Variants in MANBA observed in about 807,000 individuals in gnomAD.
MANBA encodes the protein mannosidase beta.
A neutral mutation model predicts 111.1 loss-of-function variants in MANBA; 83 were observed. That is an observed-to-expected ratio of 0.75 (90% CI 0.63 to 0.90). The LOEUF (loss-of-function observed/expected upper bound fraction) is 0.90, where lower values mean the gene tolerates loss of function less well. Ranked by LOEUF, MANBA falls within the 40% of genes least tolerant of loss-of-function variation. The pLI, the probability that MANBA is intolerant of heterozygous loss-of-function variation, is 0.00. For synonymous variants in MANBA, 370 were observed against 378.7 expected (o/e 0.98, Z 0.27); for missense variants, 1,036 against 1,069.0 (o/e 0.97, Z 0.43).
intron 1 of MANBA, chr4:102,751,386 T>G (rs1186331000): frequency 2.4e-6 from 1 of 418,580 alleles, no homozygotes; most frequent in Non-Finnish European, 4.8e-6. Context: ...AAAAGTCTTG[T>G]GTGTACTCCT....
chr4:102,757,324 C>T (rs184831956), intron 1 of MANBA, among the ~76,000 whole-genome samples: 66 of 149,502 alleles, frequency 4.4e-4, no homozygotes, highest in Admixed American at 6.6e-4. Flanking sequence ...AGCGAAACTC[C>T]GTCTCAAAAA....
At chr4:102,713,615 C>A (rs927863487) in intron 5 of MANBA, among the ~76,000 whole-genome samples, 4 of 152,132 alleles carry the variant, frequency 2.6e-5, no homozygotes, top group Admixed American at 2.6e-4. Flanking sequence ...AGAAATATTT[C>A]TTTTGGCCAG....
rs1022995879 is a variant in MANBA, at chr4:102,631,554, C to G, written c.*503G>C. ...AATTTCACATGTACAGAAAAATACC[C>G]ATATACCTTTACCCAAATAGCTACC... On this transcript the variant is annotated 3_prime_UTR_variant, in exon 17 of 17. Transcript: ENST00000647097. The G allele has an allele frequency of 3.5e-5, 14 of 403,732 alleles. No homozygotes were observed. The South Asian group carries it at 1.6e-3, about 45-fold the overall frequency. 25.0% of individuals were successfully genotyped at this position (403,732 alleles called of 1,614,324 possible).
intron 1 of MANBA, among the ~76,000 whole-genome samples, chr4:102,733,283 C>G (rs1723094751): frequency 1.3e-5 from 2 of 151,910 alleles, no homozygotes; most frequent in Admixed American, 6.6e-5. Flanking sequence ...GGTAGATCCA[C>G]AAACAGGGCA....
intron 1 of MANBA, among the ~76,000 whole-genome samples, chr4:102,732,819 T>C (rs223497): frequency 0.58 from 88,364 of 152,030 alleles, 27,312 homozygotes; most frequent in African/African-American, 0.81. Context: ...GACCATGTCA[T>C]TCCCCCAAGA....
intron 4 of MANBA, among the ~76,000 whole-genome samples, chr4:102,717,780 C>A (rs1193970677): frequency 6.6e-6 from 1 of 152,106 alleles, no homozygotes; most frequent in Admixed American, 6.6e-5. Context: ...GAAGAGAGAA[C>A]AATGGGAAGA....
At position 102,714,464 on chromosome 4, in the gene MANBA, T is replaced by C; in HGVS notation, c.647A>G (p.Asn216Ser). The C allele has an allele frequency of 1.2e-6, 2 of 1,607,658 alleles. No homozygotes were observed. Among genetic ancestry groups the C allele is most frequent in the Non-Finnish European group, 1.7e-6 (2 of 1,174,204 alleles). Reference sequence around the variant, plus strand: ...ATATATTGGGGAAAATGTGAAGTAGTTCAGGTGACAAATATTATAGGCTTC... The same window carrying C: ...ATATATTGGGGAAAATGTGAAGTAGCTCAGGTGACAAATATTATAGGCTTC... The part of the protein sequence containing the change: ...RIEAYNICHL[N>S]YFTFSPIYDK... Residue 216 changes from asparagine (N) to serine (S), a missense_variant, in exon 5 of 17, where the codon AAC becomes AGC. Physicochemically the swap from Asn to Ser is conservative, Grantham distance 46 (BLOSUM62 1). Coordinates refer to ENST00000647097, the MANE Select transcript of MANBA (RefSeq NM_005908.4).
At chr4:102,729,205 C>A (rs1722929759) in intron 1 of MANBA, 3 of 728,368 alleles carry the variant, frequency 4.1e-6, no homozygotes, top group South Asian at 4.1e-5. Flanking sequence ...GCCTTTGAGG[C>A]CCTCAGTCTC....
chr4:102,746,009 CT>C (rs1723573148), intron 1 of MANBA, among the ~76,000 whole-genome samples: 1 of 152,186 alleles, frequency 6.6e-6, no homozygotes, highest in South Asian at 2.1e-4. Context: ...TGCCTGGCAA[CT>C]GCCTCAGAGG....
In MANBA at chr4:102,687,182, A is replaced by T. The variant is rs185835600; in HGVS notation, c.960+2392T>A. Among the ~76,000 whole-genome samples the T allele has an allele frequency of 2.6e-4, 39 of 152,022 alleles. No homozygotes were observed. The East Asian group carries it at 4.4e-3, about 17-fold the overall frequency. On this transcript the variant is annotated intron_variant, in intron 7 of 16. Coordinates refer to ENST00000647097, the MANE Select transcript of MANBA (RefSeq NM_005908.4). ...CCTTCTTTTTTCCCACCCCCACATC[A>T]TCAAGCCTGCTGAGGTTATATCCTA...
rs1338464138 is a variant in MANBA at position 102,634,774 on chromosome 4, T to C, written c.2415+14A>G. ...GGCCACAGTCCCCTGCCCTCCGCCA[T>C]GACCTGTGCTTACAGTGATCTGCGC... On this transcript the variant is annotated intron_variant, in intron 16 of 16. Transcript: ENST00000647097. The C allele has an allele frequency of 2.5e-6, 4 of 1,612,652 alleles. No homozygotes were observed. The African/African-American group carries it at 4.0e-5, about 16-fold the overall frequency.
At chr4:102,696,989 C>G (rs1405751795) in intron 5 of MANBA, among the ~76,000 whole-genome samples, 1 of 152,160 alleles carries the variant, frequency 6.6e-6, no homozygotes, top group Non-Finnish European at 1.5e-5. Context: ...TTAGTTAAAA[C>G]AGCTGTTTTC....
At chr4:102,641,470 G>T (rs893864832) in intron 13 of MANBA, among the ~76,000 whole-genome samples, 5 of 152,144 alleles carry the variant, frequency 3.3e-5, no homozygotes, top group Admixed American at 3.3e-4. Flanking sequence ...CTTGCAAGGG[G>T]GCTAGAGTGG....
At chr4:102,719,422 A>G (rs1460301451) in intron 4 of MANBA, among the ~76,000 whole-genome samples, 2 of 152,172 alleles carry the variant, frequency 1.3e-5, no homozygotes. Flanking sequence ...TATTGTTCAA[A>G]CACACATTTT....
Position 102,726,617 on chromosome 4 carries a change from T to C in MANBA, c.244A>G (p.Lys82Glu), listed in dbSNP as rs1722815324. 2 of 1,555,444 alleles carry C rather than the reference T, an allele frequency of 1.3e-6. No individual in the cohort carries two copies. The highest frequency in any genetic ancestry group is 1.8e-6 in the Non-Finnish European group (2 of 1,127,912). Reference protein sequence around the residue: ...WVSLDNWTYSKEFKIPFEISK... With the variant: ...WVSLDNWTYSEEFKIPFEISK... Reference sequence around the variant, plus strand: ...ATTTCAAAGGGGATTTTAAATTCTTTGCTATAGGTCCAGTTATCCAAAGAG... The same window carrying C: ...ATTTCAAAGGGGATTTTAAATTCTTCGCTATAGGTCCAGTTATCCAAAGAG... Residue 82 changes from lysine to glutamate, a missense_variant, in exon 2 of 17, where the codon AAA becomes GAA. Physicochemically the swap from Lys to Glu is moderately conservative, Grantham distance 56. Transcript: ENST00000647097.
chr4:102,664,873 A>C (rs1198895723), intron 10 of MANBA, 21 bp from the exon 11 acceptor site: 7 of 1,557,672 alleles, frequency 4.5e-6, no homozygotes. Context: ...AGAAAACATA[A>C]AATGATTTTC....
intron 1 of MANBA, among the ~76,000 whole-genome samples, chr4:102,743,679 G>C (rs1560810502): frequency 6.6e-6 from 1 of 152,114 alleles, no homozygotes; most frequent in Non-Finnish European, 1.5e-5. Context: ...ACTTCCATTT[G>C]ATGAGGGAAT....
chr4:102,697,820 C>G lies in MANBA; in HGVS notation c.674-7049G>C, dbSNP rs151054729. Among the ~76,000 whole-genome samples, 1,105 of 151,930 alleles carry G rather than the reference C, an allele frequency of 7.3e-3. 20 individuals are homozygous for G. The highest frequency in any genetic ancestry group is 0.025 in the African/African-American group (1,029 of 41,400). On this transcript the variant is annotated intron_variant, in intron 5 of 16. Coordinates refer to ENST00000647097, the MANE Select transcript of MANBA (RefSeq NM_005908.4). ...GTGAATAGTGCCACAATAAACATAC[C>G]TGTGCATGTGTCTTTAGAGCAGCAT...
chr4:102,634,826 G>T lies in MANBA; in HGVS notation c.2377C>A (p.Pro793Thr), dbSNP rs370212843. 3.1e-6 allele frequency: 5 copies of T among 1,614,032 alleles called. No homozygotes were observed. Among genetic ancestry groups the T allele is most frequent in the East Asian group, 2.2e-5 (1 of 44,896 alleles). ...SPTNYHFLSSPKEAVGLCKAQ... is the reference protein window; with the variant it reads ...SPTNYHFLSSTKEAVGLCKAQ... Reference sequence around the variant, plus strand: ...TTGCAGAGCCCCACGGCCTCCTTCGGTGAGGACAAGAAGTGGTAGTTGGTC... The same window carrying T: ...TTGCAGAGCCCCACGGCCTCCTTCGTTGAGGACAAGAAGTGGTAGTTGGTC... Residue 793 changes from proline to threonine, a missense_variant, in exon 16 of 17, where the codon CCG (proline) becomes ACG (threonine). Physicochemically the swap from Pro to Thr is conservative, Grantham distance 38 (BLOSUM62 -1). Transcript: ENST00000647097.
Sources: allele counts gnomAD v4.1 joint callset (sites outside exome capture counted in the v4.1 genomes callset), GRCh38; gene constraint gnomAD v4.1.1; transcripts MANE v1.5; gene names NCBI Gene and HGNC (gene_info 2026-07-23, HGNC 2026-07-21).